Variants in JMY observed in about 807,000 individuals in gnomAD.
JMY encodes junction-mediating and -regulatory protein.
Under a neutral mutation model 103.3 loss-of-function variants are expected in JMY, and 46 were observed. The observed-to-expected ratio is 0.45, with a 90% confidence interval of 0.35 to 0.57. The LOEUF is 0.57. Ranked by LOEUF, JMY falls within the 20% of genes least tolerant of loss-of-function variation. The pLI, the probability that JMY is intolerant of heterozygous loss-of-function variation, is 0.00. For missense variants in JMY, 1,238 were observed against 1,255.2 expected (o/e 0.99, Z 0.21); for synonymous variants, 526 against 489.3 (o/e 1.07, Z -0.99).
Position 79,323,063 on chromosome 5 carries a change from CAA to C in JMY, c.*1462_*1463del, listed in dbSNP as rs1491119680. 1 of 152,072 alleles carries C rather than the reference CAA, an allele frequency of 6.6e-6. No homozygotes were observed. Among genetic ancestry groups the C allele is most frequent in the East Asian group, 1.9e-4 (1 of 5,190 alleles). The allele number at this position is 152,072 out of a possible 1,614,324, so 9.4% of individuals were successfully genotyped here. On this transcript the variant is annotated 3_prime_UTR_variant, in exon 11 of 11. Transcript: ENST00000396137. ...TCTGGCAACAGGTTATGTAAGACAA[CAA>C]CTTTTTTTATTATTTCAAAACAAAA...
intron 6 of JMY, among the ~76,000 whole-genome samples, chr5:79,302,891 G>C (rs1746779180): frequency 6.6e-6 from 1 of 152,204 alleles, no homozygotes; most frequent in East Asian, 1.9e-4. Context: ...CAGGGTAAGA[G>C]ATGGACAAAT....
Position 79,236,903 on chromosome 5 carries a change from G to A in JMY, c.253G>A (p.Ala85Thr). The change falls in exon 1 of 11, where the codon GCG becomes ACG. Residue 85 changes from alanine to threonine, a missense_variant. Coordinates refer to ENST00000396137, the MANE Select transcript of JMY (RefSeq NM_152405.5). ...CGGGAGCCGCGGGCCCGGCAGCCCG[G>A]CGGGCAGGGGTCGGCCCGAGGCCAC... ...SDGSRGPGSPAGRGRPEATAS... is the reference protein window; with the variant it reads ...SDGSRGPGSPTGRGRPEATAS... 1 of 1,356,384 alleles carries A rather than the reference G, an allele frequency of 7.4e-7. No homozygotes were observed. Among genetic ancestry groups the A allele is most frequent in the Non-Finnish European group, 9.4e-7 (1 of 1,058,860 alleles). 84.0% of individuals were successfully genotyped at this position (1,356,384 alleles called of 1,614,324 possible). A position where few individuals can be genotyped will look rare whatever the true frequency, so the allele number is the denominator to read the frequency against.
At position 79,325,856 on chromosome 5, in the gene JMY, CGGGA is replaced by C. The variant is rs1747623788; in HGVS notation, c.*4260_*4263del. 6.6e-6 allele frequency: 1 copy of C among 151,922 alleles called. No individual in the cohort carries two copies. The highest frequency in any genetic ancestry group is 6.6e-5 in the Admixed American group (1 of 15,248). 9.4% of individuals were successfully genotyped at this position (151,922 alleles called of 1,614,324 possible). On this transcript the variant is annotated 3_prime_UTR_variant, in exon 11 of 11. Coordinates refer to ENST00000396137, the MANE Select transcript of JMY (RefSeq NM_152405.5). ...TATGTAAGCAAAGGGTTTGGAAAGG[CGGGA>C]GGGAGTCTAGATTCGGCGAGAGTGT...
intron 1 of JMY, among the ~76,000 whole-genome samples, chr5:79,274,407 T>G (rs1340433566): frequency 6.6e-6 from 1 of 151,518 alleles, no homozygotes; most frequent in East Asian, 1.9e-4. Flanking sequence ...TTTTTTTTTG[T>G]TTGTTTGTTT....
chr5:79,238,898 C>G (rs1580321465), intron 1 of JMY, among the ~76,000 whole-genome samples: 1 of 152,194 alleles, frequency 6.6e-6, no homozygotes, highest in African/African-American at 2.4e-5. Context: ...CTCCTGACCT[C>G]GTGATCCGCC....
At chr5:79,267,669 T>G (rs996215342) in intron 1 of JMY, among the ~76,000 whole-genome samples, 2 of 152,234 alleles carry the variant, frequency 1.3e-5, no homozygotes, top group South Asian at 4.1e-4. Flanking sequence ...CTTACCTTGC[T>G]CTCACAAAGT....
intron 10 of JMY, among the ~76,000 whole-genome samples, chr5:79,320,406 A>G (rs1278482044): frequency 3.3e-5 from 5 of 151,250 alleles, no homozygotes; most frequent in Non-Finnish European, 2.9e-5. Flanking sequence ...GTGGCGCCGT[A>G]TTTGGCTCGC....
At chr5:79,304,135 G>A (rs1746816442) in intron 6 of JMY, among the ~76,000 whole-genome samples, 1 of 152,168 alleles carries the variant, frequency 6.6e-6, no homozygotes, top group East Asian at 1.9e-4. Context: ...GGGAAACCCA[G>A]CCTTGGAGAA....
chr5:79,265,758 A>G lies in JMY; in HGVS notation c.1033-12152A>G, dbSNP rs529965675. ...CGGCCTCACCCACTGTTTCCCACCC[A>G]GATTGCTCATCTGTGATGATTCTTT... is the stretch of plus-strand genomic sequence containing the variant. On this transcript the variant is annotated intron_variant, in intron 1 of 10. Transcript: ENST00000396137. 5.1e-4 allele frequency among the ~76,000 whole-genome samples: 76 copies of G among 148,668 alleles called. 1 individual carries two copies. In the South Asian group the frequency reaches 0.015, roughly 30 times the overall value.
chr5:79,253,873 C>T (rs1217483842), intron 1 of JMY, among the ~76,000 whole-genome samples: 1 of 151,610 alleles, frequency 6.6e-6, no homozygotes, highest in Non-Finnish European at 1.5e-5. Flanking sequence ...TGCCATGTTG[C>T]CCAGGCTGGT....
intron 7 of JMY, among the ~76,000 whole-genome samples, chr5:79,310,670 A>G (rs890711962): frequency 1.3e-5 from 2 of 152,226 alleles, no homozygotes; most frequent in African/African-American, 4.8e-5. Context: ...TAAATATGCA[A>G]GACTAAGGAA....
rs1747635321 is a variant in JMY, at chr5:79,326,114, T to C, written c.*4512T>C. The C allele has an allele frequency of 2.6e-5, 4 of 152,312 alleles. No individual in the cohort carries two copies. The South Asian group carries it at 8.3e-4, about 32-fold the overall frequency. 9.4% of individuals were successfully genotyped at this position (152,312 alleles called of 1,614,324 possible). ...CTCTGAGGTTGACTTGTTAAATAAC[T>C]GATGAATGTTATTTCACACTGAATC... is the stretch of plus-strand genomic sequence containing the variant. On this transcript the variant is annotated 3_prime_UTR_variant, in exon 11 of 11. Coordinates refer to ENST00000396137, the MANE Select transcript of JMY (RefSeq NM_152405.5).
chr5:79,282,715 G>T (rs1746154824), intron 2 of JMY, among the ~76,000 whole-genome samples: 1 of 152,174 alleles, frequency 6.6e-6, no homozygotes, highest in African/African-American at 2.4e-5. Context: ...CTTTAACCAG[G>T]TAATGTGGTA....
At position 79,314,626 on chromosome 5, in the gene JMY, C is replaced by T; in HGVS notation, c.2434C>T (p.Pro812Ser). 1 of 1,528,302 alleles carries T rather than the reference C, an allele frequency of 6.5e-7. No homozygotes were observed. The allele number at this position is 1,528,302 out of a possible 1,614,324, so 94.7% of individuals were successfully genotyped here. The change falls in exon 9 of 11, where the codon CCA (proline) becomes TCA (serine). Residue 812 changes from proline (P) to serine (S), a missense_variant. Transcript: ENST00000396137. The part of the protein sequence containing the change: ...PLPSPLPPTP[P>S]PPPPPPPPPP... ...CCCATCCCCTCTTCCTCCAACACCA[C>T]CACCTCCCCCACCTCCTCCCCCTCC...
In JMY at chr5:79,314,628, A is replaced by ACCCCC; in HGVS notation, c.2438_2439insCCCCC (p.Pro815LeufsTer75). On this transcript the variant is annotated frameshift_variant, in exon 9 of 11. Coordinates refer to ENST00000396137, the MANE Select transcript of JMY (RefSeq NM_152405.5). LOFTEE classifies it high-confidence loss of function. ...CATCCCCTCTTCCTCCAACACCACC[A>ACCCCC]CCTCCCCCACCTCCTCCCCCTCCCC... 8.9e-7 allele frequency: 1 copy of ACCCCC among 1,128,830 alleles called. No homozygotes were observed. The highest frequency in any genetic ancestry group is 1.3e-6 in the Non-Finnish European group (1 of 797,266). 69.9% of individuals were successfully genotyped at this position (1,128,830 alleles called of 1,614,324 possible). A position where few individuals can be genotyped will look rare whatever the true frequency, so the allele number is the denominator to read the frequency against.
At chr5:79,310,943 C>T (rs1474721630) in intron 7 of JMY, among the ~76,000 whole-genome samples, 1 of 152,054 alleles carries the variant, frequency 6.6e-6, no homozygotes, top group Non-Finnish European at 1.5e-5. Context: ...AGTTCGAGAC[C>T]AGGCTGACCC....
intron 2 of JMY, among the ~76,000 whole-genome samples, chr5:79,282,539 T>A (rs928092364): frequency 6.6e-6 from 1 of 152,128 alleles, no homozygotes; most frequent in Non-Finnish European, 1.5e-5. Flanking sequence ...CCTAAAGATA[T>A]ATGTGAAAAG....
In JMY at chr5:79,290,197, A is replaced by C; in HGVS notation, c.1283A>C (p.Lys428Thr). 1 of 1,598,684 alleles carries C rather than the reference A, an allele frequency of 6.3e-7. No individual in the cohort carries two copies. The highest frequency in any genetic ancestry group is 8.5e-7 in the Non-Finnish European group (1 of 1,171,158). ...LQKEDADWQRKAHMAVLSIQD... is the reference protein window; with the variant it reads ...LQKEDADWQRTAHMAVLSIQD... ...AAAGAAGATGCTGATTGGCAGCGGA[A>C]AGCTCACATGGCTGTACTGTCTATT... Residue 428 changes from lysine (K) to threonine (T), a missense_variant, in exon 3 of 11, where the codon AAA (lysine) becomes ACA (threonine). Transcript: ENST00000396137.
intron 1 of JMY, among the ~76,000 whole-genome samples, chr5:79,264,915 A>T (rs914011084): frequency 2.6e-5 from 4 of 151,988 alleles, no homozygotes; most frequent in Non-Finnish European, 4.4e-5. Context: ...ATTTTATTTT[A>T]TTTATTTATG....
Sources: gnomAD v4.1 joint callset for allele counts (sites outside exome capture counted in the v4.1 genomes callset) on GRCh38, gnomAD v4.1.1 for gene constraint, MANE v1.5 for transcripts, NCBI Gene and HGNC (gene_info 2026-07-23, HGNC 2026-07-21) for gene names.